The following PDE1A variants were observed in gnomAD, a reference collection of about 807,000 sequenced individuals.
PDE1A encodes the protein phosphodiesterase 1A.
Under a neutral mutation model 61.7 loss-of-function variants are expected in PDE1A, and 35 were observed. The observed-to-expected ratio is 0.57, with a 90% CI of 0.43 to 0.75. The LOEUF (loss-of-function observed/expected upper bound fraction) is 0.75. Ranked by LOEUF, PDE1A falls within the 30% of genes least tolerant of loss-of-function variation. The pLI, the probability that PDE1A is intolerant of heterozygous loss-of-function variation, is 0.00. For missense variants in PDE1A, 597 were observed against 630.6 expected, an observed-to-expected ratio of 0.95 and a Z score of 0.57; for synonymous variants, 232 against 213.2, an observed-to-expected ratio of 1.09 and a Z score of -0.77.
chr2:182,551,742 G>T, the PDE1A span, among the ~76,000 whole-genome samples: 4 of 152,170 alleles, frequency 2.6e-5, no homozygotes, highest in Non-Finnish European at 5.9e-5. Flanking sequence ...TGTCCTGGTG[G>T]AGTCAGGCTG....
At chr2:182,255,044 C>T (rs148512057) in intron 2 of PDE1A, among the ~76,000 whole-genome samples, 11 of 152,172 alleles carry the variant, frequency 7.2e-5, no homozygotes, top group Admixed American at 2.0e-4. Flanking sequence ...TTTTCTCATT[C>T]CTGTTGGATT....
At chr2:182,540,178 A>T in the PDE1A span, among the ~76,000 whole-genome samples, 1 of 152,060 alleles carries the variant, frequency 6.6e-6, no homozygotes, top group South Asian at 2.1e-4. Context: ...AGCCTGGCCA[A>T]CATGGTGAAA....
the PDE1A span, among the ~76,000 whole-genome samples, chr2:182,659,337 C>T: frequency 1.1e-4 from 17 of 152,202 alleles, no homozygotes; most frequent in African/African-American, 4.1e-4. Context: ...CATTTGTTCC[C>T]TTTATAAATA....
intron 1 of PDE1A, among the ~76,000 whole-genome samples, chr2:182,418,582 C>T (rs1258497018): frequency 6.6e-6 from 1 of 152,080 alleles, no homozygotes; most frequent in Non-Finnish European, 1.5e-5. Context: ...GAATGAACTG[C>T]AGATGGAGTA....
the PDE1A span, among the ~76,000 whole-genome samples, chr2:182,683,106 T>TC: frequency 6.6e-6 from 1 of 151,630 alleles, no homozygotes; most frequent in East Asian, 1.9e-4. Context: ...TTTTTTTTTT[T>TC]TTTTGAGATG....
chr2:182,214,177 G>A (rs1260290246), intron 7 of PDE1A, among the ~76,000 whole-genome samples: 37 of 150,608 alleles, frequency 2.5e-4, no homozygotes, highest in South Asian at 4.2e-4. Context: ...CTTCATAAGC[G>A]AAGGAGAAAT....
intron 2 of PDE1A, among the ~76,000 whole-genome samples, chr2:182,471,834 T>A (rs1294774907): frequency 1.3e-5 from 2 of 151,866 alleles, no homozygotes; most frequent in East Asian, 3.9e-4. Flanking sequence ...GGGGACAGAA[T>A]GTATAAGGAA....
At chr2:182,567,778 T>G in the PDE1A span, among the ~76,000 whole-genome samples, 1 of 151,398 alleles carries the variant, frequency 6.6e-6, no homozygotes, top group Non-Finnish European at 1.5e-5. Context: ...GTTTACTTTT[T>G]TTTTCTTTTT....
At chr2:182,198,712 T>G (rs1218161762) in intron 10 of PDE1A, among the ~76,000 whole-genome samples, 37 of 151,960 alleles carry the variant, frequency 2.4e-4, no homozygotes, top group Non-Finnish European at 1.6e-4. Context: ...TGGATTTGAT[T>G]TGCTAAAAAT....
intron 2 of PDE1A, among the ~76,000 whole-genome samples, chr2:182,468,306 G>C (rs1301377601): frequency 6.6e-6 from 1 of 151,904 alleles, no homozygotes; most frequent in African/African-American, 2.4e-5. Context: ...CTAAGTTTAT[G>C]TACAAGTTTA....
intron 1 of PDE1A, among the ~76,000 whole-genome samples, chr2:182,344,882 T>A (rs2125063757): frequency 6.6e-6 from 1 of 152,094 alleles, no homozygotes; most frequent in Middle Eastern, 3.4e-3. Flanking sequence ...CAGAAGCCCC[T>A]GCAGAAAAAA....
chr2:182,386,413 C>T (rs953656540), intron 1 of PDE1A, among the ~76,000 whole-genome samples: 2 of 151,506 alleles, frequency 1.3e-5, no homozygotes, highest in East Asian at 2.0e-4. Context: ...TGTCTCTGCC[C>T]GGCTGCCCAT....
intron 1 of PDE1A, among the ~76,000 whole-genome samples, chr2:182,321,701 C>G (rs1230592049): frequency 6.6e-6 from 1 of 152,074 alleles, no homozygotes; most frequent in Non-Finnish European, 1.5e-5. Context: ...GCAAATTATT[C>G]CTTTAGGACT....
the PDE1A span, among the ~76,000 whole-genome samples, chr2:182,678,021 A>T: frequency 6.6e-6 from 1 of 152,232 alleles, no homozygotes; most frequent in African/African-American, 2.4e-5. Flanking sequence ...GCATATAATA[A>T]GGAAATACCA....
chr2:182,623,918 G>T, the PDE1A span, among the ~76,000 whole-genome samples: 2 of 152,202 alleles, frequency 1.3e-5, no homozygotes, highest in South Asian at 4.2e-4. Context: ...GAGGTCAGGA[G>T]ACCGAGACCA....
intron 2 of PDE1A, among the ~76,000 whole-genome samples, chr2:182,483,817 TC>T (rs1395300182): frequency 2.0e-5 from 3 of 151,708 alleles, no homozygotes; most frequent in South Asian, 2.1e-4. Flanking sequence ...ATAGAGAAAA[TC>T]AATGAAACCA....
At chr2:182,595,879 T>G in the PDE1A span, among the ~76,000 whole-genome samples, 93 of 152,276 alleles carry the variant, frequency 6.1e-4, 1 homozygote, top group African/African-American at 2.2e-3. Flanking sequence ...CTGTCAATGC[T>G]TATAAAATAG....
chr2:182,453,057 T>C (rs564727664), intron 2 of PDE1A, among the ~76,000 whole-genome samples: 32 of 152,270 alleles, frequency 2.1e-4, no homozygotes, highest in African/African-American at 7.2e-4. Flanking sequence ...CTTTATTTCA[T>C]TCAACTAGGC....
chr2:182,637,657 C>T, the PDE1A span, among the ~76,000 whole-genome samples: 5 of 152,280 alleles, frequency 3.3e-5, no homozygotes, highest in South Asian at 6.2e-4. Flanking sequence ...CACTGTGGCT[C>T]ACACCCGTAA....
Sources: gnomAD v4.1 joint callset for allele counts (sites outside exome capture counted in the v4.1 genomes callset) on GRCh38, gnomAD v4.1.1 for gene constraint, MANE v1.5 for transcripts, NCBI Gene and HGNC (gene_info 2026-07-23, HGNC 2026-07-21) for gene names.